The following PPARG variants were observed in gnomAD, a reference collection of about 807,000 sequenced individuals.
The protein encoded by PPARG is peroxisome proliferator activated receptor gamma.
Under a neutral mutation model 39.2 loss-of-function variants are expected in PPARG, and 17 were observed. The ratio of observed to expected loss-of-function variants is 0.43; its 90% CI spans 0.30 to 0.65. The LOEUF (loss-of-function observed/expected upper bound fraction) is 0.65. Among genes scored for constraint, PPARG ranks in the 30% least tolerant of loss-of-function variants. The probability of loss-of-function intolerance (pLI) is 0.13; values close to 1 mark genes in which losing one functional copy is unlikely to be tolerated. For synonymous variants in PPARG, 223 were observed against 215.7 expected (o/e 1.03, Z -0.30); for missense variants, 406 against 585.9 (o/e 0.69, Z 3.17).
chr3:12,371,342 AAAGCAAGC>A (rs2049205648), intron 2 of PPARG, among the ~76,000 whole-genome samples: 1 of 152,240 alleles, frequency 6.6e-6, no homozygotes, highest in Admixed American at 6.5e-5. Flanking sequence ...CAAACGGCAC[AAAGCAAGC>A]AAACAACATT....
intron 2 of PPARG, among the ~76,000 whole-genome samples, chr3:12,322,353 C>G (rs1332583178): frequency 6.6e-6 from 1 of 152,188 alleles, no homozygotes; most frequent in East Asian, 1.9e-4. Flanking sequence ...ATTGCACTAC[C>G]TTTATGTATG....
intron 1 of PPARG, among the ~76,000 whole-genome samples, chr3:12,310,418 T>C (rs2047194161): frequency 6.6e-6 from 1 of 151,922 alleles, no homozygotes; most frequent in African/African-American, 2.4e-5. Context: ...TTCCGTTTTT[T>C]AGATTAAAAT....
At chr3:12,372,234 T>C in intron 2 of PPARG, 1 of 699,788 alleles carries the variant, frequency 1.4e-6, no homozygotes, top group Non-Finnish European at 2.7e-6. Flanking sequence ...TTCATGAAGA[T>C]TTGTTGGAAC....
chr3:12,327,465 TCAG>T (rs1422965414), intron 2 of PPARG, among the ~76,000 whole-genome samples: 2 of 152,176 alleles, frequency 1.3e-5, no homozygotes, highest in Non-Finnish European at 2.9e-5. Context: ...CTTTTTCCAC[TCAG>T]CAGTTTGATT....
chr3:12,307,991 G>A (rs17036242), intron 1 of PPARG, among the ~76,000 whole-genome samples: 42,408 of 151,784 alleles, frequency 0.28, 6,062 homozygotes, highest in East Asian at 0.33. Flanking sequence ...AAGGCCAAGA[G>A]GAAACTTAGA....
chr3:12,425,192 C>A (rs542515554), intron 7 of PPARG, among the ~76,000 whole-genome samples: 1 of 152,192 alleles, frequency 6.6e-6, no homozygotes, highest in Non-Finnish European at 1.5e-5. Context: ...AGGATTCGGA[C>A]GTCCTGTGGC....
intron 2 of PPARG, among the ~76,000 whole-genome samples, chr3:12,364,214 T>A (rs1250767498): frequency 2.6e-5 from 4 of 152,220 alleles, no homozygotes; most frequent in Non-Finnish European, 5.9e-5. Flanking sequence ...ACCTGTTCAT[T>A]CCGTTCTCCC....
At chr3:12,426,303 A>C (rs2125307703) in intron 7 of PPARG, among the ~76,000 whole-genome samples, 1 of 152,342 alleles carries the variant, frequency 6.6e-6, no homozygotes, top group East Asian at 1.9e-4. Context: ...ATGTGTGTTC[A>C]CTGCAGAATG....
intron 6 of PPARG, among the ~76,000 whole-genome samples, chr3:12,407,295 G>A (rs2050706646): frequency 6.6e-6 from 1 of 152,116 alleles, no homozygotes; most frequent in Admixed American, 6.5e-5. Flanking sequence ...CGAGTAGCTG[G>A]GATTGCAGGC....
At chr3:12,360,802 A>G (rs1283316714) in intron 2 of PPARG, among the ~76,000 whole-genome samples, 2 of 152,228 alleles carry the variant, frequency 1.3e-5, no homozygotes, top group Admixed American at 1.3e-4. Context: ...GTTTCATTGT[A>G]TAAATATATC....
chr3:12,350,314 G>A (rs7647481), intron 2 of PPARG, among the ~76,000 whole-genome samples: 20,287 of 152,004 alleles, frequency 0.13, 1,420 homozygotes, highest in African/African-American at 0.17. Context: ...ACTTTATTCC[G>A]TGATGTTCAG....
chr3:12,380,139 G>A (rs551144184), intron 3 of PPARG, among the ~76,000 whole-genome samples: 3 of 149,066 alleles, frequency 2.0e-5, no homozygotes, highest in East Asian at 2.0e-4. Context: ...TGCCTTCCCC[G>A]CCCCCTCCTT....
At chr3:12,404,673 C>T (rs2050594833) in intron 5 of PPARG, among the ~76,000 whole-genome samples, 1 of 151,996 alleles carries the variant, frequency 6.6e-6, no homozygotes, top group South Asian at 2.1e-4. Flanking sequence ...GCATGGTGGC[C>T]CACCCCTTGT....
At chr3:12,353,286 A>G (rs1268021749) in intron 2 of PPARG, among the ~76,000 whole-genome samples, 1 of 152,210 alleles carries the variant, frequency 6.6e-6, no homozygotes, top group Non-Finnish European at 1.5e-5. Flanking sequence ...CTTGTCTTAT[A>G]GGGTCTCTGG....
At chr3:12,309,462 A>G (rs563828876) in intron 1 of PPARG, among the ~76,000 whole-genome samples, 88 of 152,228 alleles carry the variant, frequency 5.8e-4, no homozygotes, top group Non-Finnish European at 1.1e-3. Context: ...CATTTTATTT[A>G]TTATTTAAAA....
At chr3:12,350,474 GAATTAT>G (rs1230015948) in intron 2 of PPARG, among the ~76,000 whole-genome samples, 4 of 152,140 alleles carry the variant, frequency 2.6e-5, no homozygotes, top group Non-Finnish European at 5.9e-5. Flanking sequence ...ATAATTCAGA[GAATTAT>G]TGCCTTCTAA....
chr3:12,303,487 C>T (rs979460998), intron 1 of PPARG, among the ~76,000 whole-genome samples: 3 of 152,184 alleles, frequency 2.0e-5, no homozygotes, highest in African/African-American at 7.2e-5. Flanking sequence ...AGGTGTGAGC[C>T]ACTGTGCCTG....
intron 1 of PPARG, among the ~76,000 whole-genome samples, chr3:12,293,439 G>C (rs1387152717): frequency 6.6e-6 from 1 of 152,184 alleles, no homozygotes; most frequent in Non-Finnish European, 1.5e-5. Context: ...CTTCTGAGAA[G>C]AGTTCAGATT....
chr3:12,419,523 T>C (rs974037743), intron 7 of PPARG, among the ~76,000 whole-genome samples: 2 of 151,972 alleles, frequency 1.3e-5, no homozygotes, highest in Non-Finnish European at 2.9e-5. Flanking sequence ...CTTGCAGTGG[T>C]GCGATCTCGG....
Sources: gnomAD v4.1 joint callset for allele counts (sites outside exome capture counted in the v4.1 genomes callset) on GRCh38, gnomAD v4.1.1 for gene constraint, MANE v1.5 for transcripts, NCBI Gene and HGNC (gene_info 2026-07-23, HGNC 2026-07-21) for gene names.